SH2D4A: variants seen among roughly 807,000 people sequenced by gnomAD.
SH2D4A encodes the protein SH2 domain containing 4A.
A neutral mutation model predicts 64.7 loss-of-function variants in SH2D4A; 70 were observed. The ratio of observed to expected loss-of-function variants is 1.08; its 90% CI spans 0.89 to 1.32. The LOEUF is 1.32. Ranked by LOEUF, SH2D4A falls within the 40% of genes most tolerant of loss-of-function variation. The pLI, the probability that SH2D4A is intolerant of heterozygous loss-of-function variation, is 0.00. For missense variants in SH2D4A, 706 were observed against 540.1 expected (o/e 1.31, Z -3.04); for synonymous variants, 268 against 200.7 (o/e 1.34, Z -2.83).
In SH2D4A at chr8:19,313,809, G is replaced by T; in HGVS notation, c.-219G>T. 6.6e-7 allele frequency: 1 copy of T among 1,508,138 alleles called. No homozygotes were observed. Among genetic ancestry groups the T allele is most frequent in the Non-Finnish European group, 8.8e-7 (1 of 1,133,900 alleles). The allele number at this position is 1,508,138 out of a possible 1,614,324, so 93.4% of individuals were successfully genotyped here. On this transcript the variant is annotated 5_prime_UTR_variant, in exon 1 of 10. Transcript: ENST00000265807. ...CGGGTGATCGAGCCACCCTGCCCAGGGGCGCCCAGCACTGGTAGGTGCTGG... is the reference window on the plus strand; with the variant it reads ...CGGGTGATCGAGCCACCCTGCCCAGTGGCGCCCAGCACTGGTAGGTGCTGG...
intron 4 of SH2D4A, among the ~76,000 whole-genome samples, chr8:19,355,389 A>G (rs989237280): frequency 6.6e-6 from 1 of 152,184 alleles, no homozygotes; most frequent in Non-Finnish European, 1.5e-5. Context: ...GTTCCCAAAT[A>G]GAGGAACTGG....
intron 6 of SH2D4A, among the ~76,000 whole-genome samples, chr8:19,362,446 A>G (rs2052907021): frequency 6.6e-6 from 1 of 152,186 alleles, no homozygotes; most frequent in Non-Finnish European, 1.5e-5. Context: ...GATGGGTCGC[A>G]TATAGTTTTT....
At chr8:19,371,410 C>T (rs370928482) in intron 7 of SH2D4A, among the ~76,000 whole-genome samples, 4 of 151,826 alleles carry the variant, frequency 2.6e-5, no homozygotes, top group Admixed American at 2.6e-4. Flanking sequence ...CTGGCCTATA[C>T]GGTTTCTTCT....
intron 6 of SH2D4A, among the ~76,000 whole-genome samples, 187 bp downstream of exon 6, chr8:19,361,501 C>A (rs1253324212): frequency 6.6e-6 from 1 of 152,172 alleles, no homozygotes; most frequent in Non-Finnish European, 1.5e-5. Context: ...ACAGCAGACT[C>A]GTTCTCCATT....
At chr8:19,333,230 C>T in intron 3 of SH2D4A, 116 bp downstream of exon 3, 1 of 1,149,796 alleles carries the variant, frequency 8.7e-7, no homozygotes, top group Non-Finnish European at 1.2e-6. Flanking sequence ...GTTGGAGGGT[C>T]ACAAAAGTCA....
intron 8 of SH2D4A, among the ~76,000 whole-genome samples, chr8:19,378,374 ACT>A (rs1262030960): frequency 1.3e-5 from 2 of 151,846 alleles, no homozygotes; most frequent in Non-Finnish European, 2.9e-5. Context: ...AGACATGGAG[ACT>A]CTATTTATTA....
intron 4 of SH2D4A, among the ~76,000 whole-genome samples, chr8:19,354,572 T>G (rs185295459): frequency 6.6e-6 from 1 of 152,190 alleles, no homozygotes; most frequent in African/African-American, 2.4e-5. Flanking sequence ...GTGAGCATGC[T>G]GAAAGTACTA....
At chr8:19,391,545 G>A (rs181590021) in intron 8 of SH2D4A, among the ~76,000 whole-genome samples, 2 of 152,132 alleles carry the variant, frequency 1.3e-5, no homozygotes, top group East Asian at 1.9e-4. Context: ...TCTGCAAGTC[G>A]GGGAGACTGG....
In SH2D4A at chr8:19,365,885, AAG is replaced by A. The variant is rs1375798522; in HGVS notation, c.917+1607_917+1608del. Among the ~76,000 whole-genome samples the A allele has an allele frequency of 2.0e-5, 3 of 152,274 alleles. 1 individual carries two copies. Among genetic ancestry groups the A allele is most frequent in the Admixed American group, 2.0e-4 (3 of 15,294 alleles). On this transcript the variant is annotated intron_variant, in intron 7 of 9. Transcript: ENST00000265807. ...AAAAGAGCCTAATTTGGAAGCTAGT[AAG>A]AGAATGTATAATATAACTTCGTATG...
At chr8:19,315,093 CT>C (rs368292304) in intron 1 of SH2D4A, among the ~76,000 whole-genome samples, 4 of 149,116 alleles carry the variant, frequency 2.7e-5, no homozygotes, top group Admixed American at 6.7e-5. Context: ...ACCGCAGTTA[CT>C]TTTTTTTTGG....
chr8:19,349,129 T>C (rs1028965172), intron 4 of SH2D4A, among the ~76,000 whole-genome samples: 1 of 152,186 alleles, frequency 6.6e-6, no homozygotes, highest in Non-Finnish European at 1.5e-5. Context: ...GAAGGAAGCA[T>C]TTCAATATAA....
chr8:19,384,552 T>G (rs754556338), intron 8 of SH2D4A, among the ~76,000 whole-genome samples: 1 of 152,188 alleles, frequency 6.6e-6, no homozygotes, highest in Non-Finnish European at 1.5e-5. Context: ...ATTCCAACAT[T>G]AAGAAAGACC....
Position 19,319,371 on chromosome 8 carries a change from C to T in SH2D4A, c.-177C>T, listed in dbSNP as rs894361727. 6.3e-6 allele frequency: 8 copies of T among 1,261,624 alleles called. No individual in the cohort carries two copies. Among genetic ancestry groups the T allele is most frequent in the African/African-American group, 6.2e-5 (4 of 64,670 alleles). The allele number at this position is 1,261,624 out of a possible 1,614,324, so 78.2% of individuals were successfully genotyped here. ...TCAGTGAACAGCATTTTGGACAGGA[C>T]ATTTGGTGCCAGGTCTGAGTAGCCA... On this transcript the variant is annotated 5_prime_UTR_variant, in exon 2 of 10. Transcript: ENST00000265807.
chr8:19,324,961 A>G (rs2052254225), intron 2 of SH2D4A, among the ~76,000 whole-genome samples: 1 of 152,126 alleles, frequency 6.6e-6, no homozygotes, highest in South Asian at 2.1e-4. Context: ...ACTCAAACCC[A>G]GATTGCCAAG....
At chr8:19,320,094 T>G (rs1490308105) in intron 2 of SH2D4A, among the ~76,000 whole-genome samples, 1 of 152,226 alleles carries the variant, frequency 6.6e-6, no homozygotes, top group African/African-American at 2.4e-5. Context: ...TGTGTCAGTA[T>G]ATTTATAGCA....
intron 7 of SH2D4A, among the ~76,000 whole-genome samples, chr8:19,366,866 T>G (rs1214953462): frequency 1.3e-5 from 2 of 152,234 alleles, no homozygotes; most frequent in Non-Finnish European, 2.9e-5. Context: ...CTTCTGTGTT[T>G]GGCTTATTTC....
chr8:19,394,620 A>ACTACCTGGAGC lies in SH2D4A; in HGVS notation c.1344_1354dup (p.Leu452ProfsTer45), dbSNP rs2053556259. The stretch of plus-strand genomic sequence containing the variant: ...TGTGGTCAGCAGGACCAGCTGCCTG[A>ACTACCTGGAGC]CTACCTGGAGCTGTTTGAGTGACAG... On this transcript the variant is annotated frameshift_variant, in exon 10 of 10. Coordinates refer to ENST00000265807, the MANE Select transcript of SH2D4A (RefSeq NM_022071.4). LOFTEE classifies it high-confidence loss of function. 1.2e-6 allele frequency: 2 copies of ACTACCTGGAGC among 1,610,792 alleles called. No homozygotes were observed. The highest frequency in any genetic ancestry group is 4.5e-5 in the East Asian group (2 of 44,728).
At position 19,334,860 on chromosome 8, in the gene SH2D4A, G is replaced by A. The variant is rs756912062; in HGVS notation, c.513+3G>A. 6.2e-7 allele frequency: 1 copy of A among 1,603,444 alleles called. No homozygotes were observed. The highest frequency in any genetic ancestry group is 2.2e-5 in the East Asian group (1 of 44,834). Reference sequence around the variant, plus strand: ...CCCTGGAAGAAGAGAAAATCCGAGTGAGTCCTTACTGTCTGTAGACGTGCG... The same window carrying A: ...CCCTGGAAGAAGAGAAAATCCGAGTAAGTCCTTACTGTCTGTAGACGTGCG... On this transcript the variant is annotated splice_donor_region_variant and intron_variant, in intron 4 of 9. Coordinates refer to ENST00000265807, the MANE Select transcript of SH2D4A (RefSeq NM_022071.4).
At chr8:19,328,351 A>G (rs1014336123) in intron 2 of SH2D4A, among the ~76,000 whole-genome samples, 17 of 152,086 alleles carry the variant, frequency 1.1e-4, no homozygotes, top group Non-Finnish European at 2.2e-4. Context: ...CTACGCTTCC[A>G]AAACAGCTTG....
Sources: allele counts gnomAD v4.1 joint callset (sites outside exome capture counted in the v4.1 genomes callset), GRCh38; gene constraint gnomAD v4.1.1; transcripts MANE v1.5; gene names NCBI Gene and HGNC (gene_info 2026-07-23, HGNC 2026-07-21).